MAK: variants seen among roughly 807,000 people sequenced by gnomAD.
MAK encodes the protein serine/threonine-protein kinase MAK.
Under a neutral mutation model 82.6 loss-of-function variants are expected in MAK, and 65 were observed. That is an observed-to-expected ratio of 0.79 (90% confidence interval 0.64 to 0.97). The LOEUF (loss-of-function observed/expected upper bound fraction) is 0.97. MAK is among the 50% of genes least tolerant of loss of function. The pLI is 0.00. For missense variants in MAK, 703 were observed against 780.2 expected (o/e 0.90, Z 1.18); for synonymous variants, 250 against 274.2 (o/e 0.91, Z 0.87).
intron 8 of MAK, among the ~76,000 whole-genome samples, chr6:10,798,968 T>C (rs943980239): frequency 2.0e-5 from 3 of 152,072 alleles, no homozygotes; most frequent in Non-Finnish European, 4.4e-5. Context: ...TAGCTGAGAT[T>C]ACAGGTGTGT....
Position 10,784,477 on chromosome 6 carries a change from G to A in MAK, c.1412C>T (p.Ser471Leu). Residue 471 changes from serine to leucine, a missense_variant, in exon 11 of 15, where the codon TCA becomes TTA. Coordinates refer to ENST00000354489, the MANE Select transcript of MAK (RefSeq NM_001242957.3). ...GTACTGTTTAGAGGTTGGAGCAGTTGACAATTCGGAATCAGATTTTAGGGA... is the reference window on the plus strand; with the variant it reads ...GTACTGTTTAGAGGTTGGAGCAGTTAACAATTCGGAATCAGATTTTAGGGA... ...VTSLKSDSEL[S>L]TAPTSKQYYL... 2 of 1,614,150 alleles carry A rather than the reference G, an allele frequency of 1.2e-6. No homozygotes were observed. The highest frequency in any genetic ancestry group is 1.7e-6 in the Non-Finnish European group (2 of 1,180,008).
chr6:10,777,114 A>T (rs1272282457), intron 11 of MAK, among the ~76,000 whole-genome samples: 1 of 151,754 alleles, frequency 6.6e-6, no homozygotes, highest in Non-Finnish European at 1.5e-5. Flanking sequence ...ACTCATATTA[A>T]AACATCTTTA....
chr6:10,836,354 C>T (rs1779149353), intron 1 of MAK, among the ~76,000 whole-genome samples: 1 of 152,192 alleles, frequency 6.6e-6, no homozygotes, highest in Non-Finnish European at 1.5e-5. Context: ...ACATTAATTA[C>T]AAAATCAACA....
At chr6:10,772,557 A>G (rs1298189568) in intron 13 of MAK, among the ~76,000 whole-genome samples, 1 of 151,926 alleles carries the variant, frequency 6.6e-6, no homozygotes, top group Non-Finnish European at 1.5e-5. Flanking sequence ...GTTGGCCAGG[A>G]TGGTCTCTAT....
intron 8 of MAK, chr6:10,797,479 G>T: frequency 2.0e-6 from 1 of 500,824 alleles, no homozygotes; most frequent in Non-Finnish European, 2.6e-6. Flanking sequence ...ATCCCATAAT[G>T]CACACAATAG....
At chr6:10,804,022 G>A in intron 6 of MAK, 131 bp from the exon 7 acceptor site, 1 of 762,816 alleles carries the variant, frequency 1.3e-6, no homozygotes, top group Non-Finnish European at 2.3e-6. Flanking sequence ...CCATCTGTGT[G>A]TCAGGCATTT....
intron 3 of MAK, 102 bp downstream of exon 3, chr6:10,818,784 A>T: frequency 2.7e-6 from 2 of 728,186 alleles, no homozygotes; most frequent in East Asian, 5.4e-5. Context: ...AACAAACAAA[A>T]TTATCTTCAG....
chr6:10,791,902 T>C (rs896355523), intron 9 of MAK, 55 bp from the exon 10 acceptor site: 37 of 1,566,328 alleles, frequency 2.4e-5, no homozygotes, highest in Non-Finnish European at 3.2e-5. Context: ...ATGCCTTTCA[T>C]GCACAAGCTA....
chr6:10,801,169 T>C (rs552574781), intron 8 of MAK, among the ~76,000 whole-genome samples: 68 of 152,328 alleles, frequency 4.5e-4, no homozygotes, highest in South Asian at 1.9e-3. Context: ...TGACTATCCT[T>C]TCCCATTTGT....
intron 2 of MAK, among the ~76,000 whole-genome samples, chr6:10,825,317 T>A (rs978062217): frequency 6.6e-6 from 1 of 152,230 alleles, no homozygotes; most frequent in African/African-American, 2.4e-5. Flanking sequence ...GACTTCTTGA[T>A]ACGTGCTTCT....
At chr6:10,799,857 G>A (rs1438472542) in intron 8 of MAK, among the ~76,000 whole-genome samples, 1 of 151,906 alleles carries the variant, frequency 6.6e-6, no homozygotes, top group Non-Finnish European at 1.5e-5. Context: ...AGATCAGCCT[G>A]ACCAACAAGG....
At chr6:10,797,955 A>G (rs1775693957) in intron 8 of MAK, 1 of 1,197,746 alleles carries the variant, frequency 8.3e-7, no homozygotes, top group Admixed American at 3.7e-5. Context: ...TAATTTGAAT[A>G]CTTCAATGCC....
chr6:10,773,059 A>G lies in MAK; in HGVS notation c.1647T>C (p.Phe549=), dbSNP rs1014087976. 14 of 1,532,178 alleles carry G rather than the reference A, an allele frequency of 9.1e-6. No homozygotes were observed. The highest frequency in any genetic ancestry group is 2.7e-5 in the African/African-American group (2 of 72,952). 94.9% of individuals were successfully genotyped at this position (1,532,178 alleles called of 1,614,324 possible). A position where few individuals can be genotyped will look rare whatever the true frequency, so the allele number is the denominator to read the frequency against. ...CTTGTGGGTCCTCTAATTTTTCAGG[A>G]AAAGTTTCATTGCATGATAGTTTTT... is the stretch of plus-strand genomic sequence containing the variant. The part of the protein sequence containing the change: ...PIEKLSCNET[F]PEKLEDPQGN... The change falls in exon 13 of 15, where the codon TTT becomes TTC. Residue 549 remains phenylalanine (F), a synonymous_variant. Coordinates refer to ENST00000354489, the MANE Select transcript of MAK (RefSeq NM_001242957.3).
At chr6:10,785,132 T>G (rs181961540) in intron 10 of MAK, among the ~76,000 whole-genome samples, 1 of 152,170 alleles carries the variant, frequency 6.6e-6, no homozygotes, top group East Asian at 1.9e-4. Context: ...GCTAGCTGTT[T>G]AGTGGTGTTT....
At position 10,775,236 on chromosome 6, in the gene MAK, G is replaced by A; in HGVS notation, c.1597+92C>T. Reference sequence around the variant, plus strand: ...CTTTGTGTATCTCCCAAGTGCACATGTATCTTGGTTGGAAGAGCACTGCAA... The same window carrying A: ...CTTTGTGTATCTCCCAAGTGCACATATATCTTGGTTGGAAGAGCACTGCAA... On this transcript the variant is annotated intron_variant, in intron 12 of 14. Transcript: ENST00000354489. The A allele has an allele frequency of 2.8e-6, 4 of 1,441,342 alleles. No individual in the cohort carries two copies. The South Asian group carries it at 3.4e-5, about 12-fold the overall frequency. The allele number at this position is 1,441,342 out of a possible 1,614,324, so 89.3% of individuals were successfully genotyped here.
At position 10,770,114 on chromosome 6, in the gene MAK, A is replaced by G; in HGVS notation, c.1789T>C (p.Ser597Pro). The change falls in exon 14 of 15, where the codon TCA becomes CCA. Residue 597 changes from serine to proline, a missense_variant. Physicochemically the swap from Ser to Pro is moderately conservative, Grantham distance 74. Coordinates refer to ENST00000354489, the MANE Select transcript of MAK (RefSeq NM_001242957.3). ...CTGTATCTGAAGTTGTTCCTACCTGAAGCCGTTGCATTGAGAGGTGCTAAG... is the reference window on the plus strand; with the variant it reads ...CTGTATCTGAAGTTGTTCCTACCTGGAGCCGTTGCATTGAGAGGTGCTAAG... ...IHLAPLNATA[S>P]EYTWNTKTGR... 6.2e-7 allele frequency: 1 copy of G among 1,614,188 alleles called. No individual in the cohort carries two copies. The highest frequency in any genetic ancestry group is 8.5e-7 in the Non-Finnish European group (1 of 1,180,018).
chr6:10,806,945 C>T (rs1776511702), intron 6 of MAK, among the ~76,000 whole-genome samples: 1 of 152,112 alleles, frequency 6.6e-6, no homozygotes, highest in Non-Finnish European at 1.5e-5. Flanking sequence ...TCCTTTACAG[C>T]AACACAAAAA....
chr6:10,812,456 G>A (rs1777019089), intron 5 of MAK, among the ~76,000 whole-genome samples: 1 of 152,086 alleles, frequency 6.6e-6, no homozygotes, highest in Non-Finnish European at 1.5e-5. Context: ...ATAGAAAATA[G>A]ATCAAGTATT....
intron 9 of MAK, among the ~76,000 whole-genome samples, chr6:10,794,970 C>T (rs1775395349): frequency 6.6e-6 from 1 of 151,214 alleles, no homozygotes; most frequent in Admixed American, 6.6e-5. Context: ...CCAGCCTGGG[C>T]AACAAGAGCA....
Sources: allele counts gnomAD v4.1 joint callset (sites outside exome capture counted in the v4.1 genomes callset), GRCh38; gene constraint gnomAD v4.1.1; transcripts MANE v1.5; gene names NCBI Gene and HGNC (gene_info 2026-07-23, HGNC 2026-07-21).